Variants in PPP1R12B observed in about 807,000 individuals in gnomAD.
PPP1R12B encodes protein phosphatase 1 regulatory subunit 12B, also known as myosin phosphatase target subunit 2.
A neutral mutation model predicts 126.1 loss-of-function variants in PPP1R12B; 76 were observed. The ratio of observed to expected loss-of-function variants is 0.60; its 90% CI spans 0.50 to 0.73. The LOEUF (loss-of-function observed/expected upper bound fraction) is 0.73. PPP1R12B is among the 30% of genes least tolerant of loss of function. The probability of loss-of-function intolerance (pLI) is 0.00; values close to 1 mark genes in which losing one functional copy is unlikely to be tolerated. For missense variants in PPP1R12B, 1,052 were observed against 1,205.1 expected, an observed-to-expected ratio of 0.87 and a Z score of 1.88; for synonymous variants, 356 against 434.7, an observed-to-expected ratio of 0.82 and a Z score of 2.25.
chr1:202,457,423 C>T (rs1673773732), intron 13 of PPP1R12B, among the ~76,000 whole-genome samples: 1 of 151,878 alleles, frequency 6.6e-6, no homozygotes, highest in South Asian at 2.1e-4. Context: ...CATGGTGGCA[C>T]GTGCCTGTAA....
At chr1:202,377,452 G>A (rs1415780721) in intron 1 of PPP1R12B, among the ~76,000 whole-genome samples, 2 of 151,660 alleles carry the variant, frequency 1.3e-5, no homozygotes, top group African/African-American at 2.4e-5. Flanking sequence ...ACAAGCGCCC[G>A]CCACCACGCC....
intron 13 of PPP1R12B, among the ~76,000 whole-genome samples, chr1:202,452,525 CAGAGGGAGACCGTTTAAAGAGGG>C (rs1166127779): frequency 2.6e-5 from 4 of 151,522 alleles, no homozygotes; most frequent in East Asian, 3.9e-4. Flanking sequence ...GGCTTGGCAT[CAGAGGGAGACCGTTTAAAGAGGG>C]AGAGGGAGAC....
chr1:202,507,999 G>A (rs1283283183), intron 18 of PPP1R12B, among the ~76,000 whole-genome samples: 1 of 152,184 alleles, frequency 6.6e-6, no homozygotes, highest in East Asian at 1.9e-4. Flanking sequence ...TTGAGCTTAA[G>A]GCACTAACAG....
At chr1:202,487,050 G>A (rs1039153851) in intron 13 of PPP1R12B, among the ~76,000 whole-genome samples, 6 of 152,088 alleles carry the variant, frequency 3.9e-5, no homozygotes, top group African/African-American at 1.4e-4. Flanking sequence ...CTAAATAATA[G>A]TGAATATGTT....
intron 18 of PPP1R12B, among the ~76,000 whole-genome samples, chr1:202,547,739 T>A (rs777500062): frequency 6.6e-6 from 1 of 152,214 alleles, no homozygotes; most frequent in Non-Finnish European, 1.5e-5. Flanking sequence ...AGTAAAATAA[T>A]GACCTTAAAT....
intron 1 of PPP1R12B, among the ~76,000 whole-genome samples, chr1:202,351,817 G>T (rs371785424): frequency 6.6e-6 from 1 of 152,220 alleles, no homozygotes; most frequent in Non-Finnish European, 1.5e-5. Context: ...AATACTGGGG[G>T]ACAATTTTTC....
rs998403194 is a variant in PPP1R12B at position 202,452,832 on chromosome 1, C to CT, written c.1850+3674dup. ...CATGTATTACTTTCTCTCTCTCTCT[C>CT]TTTTTTTTTTTTTAAATAGAGATGG... On this transcript the variant is annotated intron_variant, in intron 13 of 23. Transcript: ENST00000608999. 1.3e-3 allele frequency among the ~76,000 whole-genome samples: 180 copies of CT among 142,228 alleles called. 1 individual carries two copies. The highest frequency in any genetic ancestry group is 3.7e-3 in the Middle Eastern group (1 of 272). 93.3% of individuals were successfully genotyped at this position (142,228 alleles called of 152,430 possible).
At chr1:202,426,022 G>A (rs1390690942) in intron 4 of PPP1R12B, among the ~76,000 whole-genome samples, 1 of 152,144 alleles carries the variant, frequency 6.6e-6, no homozygotes, top group South Asian at 2.1e-4. Context: ...TCCCTGCAAC[G>A]ACCTCTTCTT....
At chr1:202,352,988 A>T (rs900886565) in intron 1 of PPP1R12B, among the ~76,000 whole-genome samples, 4 of 152,208 alleles carry the variant, frequency 2.6e-5, no homozygotes, top group South Asian at 2.1e-4. Flanking sequence ...TTTGTAGTTG[A>T]ATAAGCCTTT....
intron 18 of PPP1R12B, among the ~76,000 whole-genome samples, chr1:202,535,002 T>C (rs538185398): frequency 2.1e-4 from 32 of 152,314 alleles, no homozygotes; most frequent in African/African-American, 7.7e-4. Context: ...TGACCATGTA[T>C]TGAGCATGAC....
At chr1:202,496,889 A>G (rs1207086146) in intron 18 of PPP1R12B, 67 bp downstream of exon 18, 8 of 1,477,442 alleles carry the variant, frequency 5.4e-6, no homozygotes, top group Admixed American at 1.8e-5. Context: ...TAATTTTAGT[A>G]GAAGAAAGGG....
intron 13 of PPP1R12B, among the ~76,000 whole-genome samples, chr1:202,467,788 G>A (rs1339634101): frequency 6.6e-6 from 1 of 152,178 alleles, no homozygotes; most frequent in Non-Finnish European, 1.5e-5. Context: ...AGATCCCTGA[G>A]GAATCACCAC....
intron 18 of PPP1R12B, chr1:202,540,196 T>C (rs772487317): frequency 1.2e-6 from 2 of 1,611,012 alleles, no homozygotes; most frequent in South Asian, 2.2e-5. Context: ...AATCTCAGTC[T>C]GATTCTCCCC....
At chr1:202,488,423 A>G (rs1338014552) in intron 13 of PPP1R12B, 110 bp from the exon 14 acceptor site, 2 of 828,852 alleles carry the variant, frequency 2.4e-6, no homozygotes, top group Non-Finnish European at 3.7e-6. Context: ...ACTTTGCTTA[A>G]GTTCATTCCT....
intron 1 of PPP1R12B, among the ~76,000 whole-genome samples, chr1:202,363,553 C>T (rs915616632): frequency 2.0e-5 from 3 of 152,152 alleles, no homozygotes; most frequent in Non-Finnish European, 4.4e-5. Flanking sequence ...CCCTTTGGGT[C>T]CCCTGGCTCT....
intron 13 of PPP1R12B, among the ~76,000 whole-genome samples, chr1:202,455,501 A>G (rs1444110598): frequency 6.6e-6 from 1 of 152,212 alleles, no homozygotes; most frequent in Non-Finnish European, 1.5e-5. Flanking sequence ...TTTACTTAAT[A>G]TAATGTTTTC....
At chr1:202,536,747 T>G (rs1684568495) in intron 18 of PPP1R12B, among the ~76,000 whole-genome samples, 1 of 152,198 alleles carries the variant, frequency 6.6e-6, no homozygotes, top group Non-Finnish European at 1.5e-5. Flanking sequence ...TTTCTTTATA[T>G]TCTTAATCTA....
chr1:202,383,215 T>C (rs965471896), intron 1 of PPP1R12B, among the ~76,000 whole-genome samples: 1 of 152,124 alleles, frequency 6.6e-6, no homozygotes. Flanking sequence ...AGAAGTCTTA[T>C]GAGATATTGT....
In PPP1R12B at chr1:202,439,437, G is replaced by A. The variant is rs1290255364; in HGVS notation, c.1459-1269G>A. 149 of 1,326,122 alleles carry A rather than the reference G, an allele frequency of 1.1e-4. No individual in the cohort carries two copies. In the African/African-American group the frequency reaches 1.5e-3, roughly 13 times the overall value. The allele number at this position is 1,326,122 out of a possible 1,614,324, so 82.1% of individuals were successfully genotyped here. On this transcript the variant is annotated intron_variant, in intron 10 of 23. Transcript: ENST00000608999. ...CGCCCTGTACTGGAAAATGCTGGGC[G>A]ACCCCAGCTGGCTGCCCGCCAAGTG...
Sources: allele counts gnomAD v4.1 joint callset (sites outside exome capture counted in the v4.1 genomes callset), GRCh38; gene constraint gnomAD v4.1.1; transcripts MANE v1.5; gene names NCBI Gene and HGNC (gene_info 2026-07-23, HGNC 2026-07-21).